Variants in SLC35F3 observed in about 807,000 individuals in gnomAD.
SLC35F3 encodes putative thiamine transporter SLC35F3.
In SLC35F3, 25 loss-of-function variants were observed where a neutral mutation model predicts 49.9. The ratio of observed to expected loss-of-function variants is 0.50; its 90% confidence interval spans 0.37 to 0.70. The LOEUF (loss-of-function observed/expected upper bound fraction) is 0.70. SLC35F3 is among the 30% of genes least tolerant of loss of function. SLC35F3 has a pLI of 0.00. For synonymous variants in SLC35F3, 275 were observed against 265.4 expected (o/e 1.04, Z -0.35); for missense variants, 525 against 639.8 (o/e 0.82, Z 1.94).
At chr1:233,949,600 A>G (rs111802930) in intron 2 of SLC35F3, among the ~76,000 whole-genome samples, 148 of 152,302 alleles carry the variant, frequency 9.7e-4, no homozygotes, top group Non-Finnish European at 1.8e-3. Context: ...CCCCAGGACC[A>G]TGCTGTTTAC....
intron 2 of SLC35F3, among the ~76,000 whole-genome samples, chr1:234,103,282 T>C (rs1238616739): frequency 6.6e-6 from 1 of 152,108 alleles, no homozygotes; most frequent in African/African-American, 2.4e-5. Flanking sequence ...GATGTTGCCT[T>C]GGCAATTTCA....
rs535681901 is a variant in SLC35F3 at position 234,314,288 on chromosome 1, A to G, written c.829-2314A>G. 2.0e-5 allele frequency among the ~76,000 whole-genome samples: 3 copies of G among 152,246 alleles called. No individual in the cohort carries two copies. The East Asian group carries it at 5.8e-4, about 29-fold the overall frequency. On this transcript the variant is annotated intron_variant, in intron 4 of 7. Transcript: ENST00000366618. ...ACCCCCTTGTCCCTTCCCCCAGCTTAGCTGCACAGTGCAGCCCAGGCAGAA... is the reference window on the plus strand; with the variant it reads ...ACCCCCTTGTCCCTTCCCCCAGCTTGGCTGCACAGTGCAGCCCAGGCAGAA...
intron 3 of SLC35F3, among the ~76,000 whole-genome samples, chr1:234,238,336 G>A (rs966779668): frequency 1.3e-5 from 2 of 152,156 alleles, no homozygotes; most frequent in African/African-American, 4.8e-5. Context: ...AATGCTCCAA[G>A]TCTAAATGAG....
intron 3 of SLC35F3, among the ~76,000 whole-genome samples, chr1:234,239,401 C>T (rs913115850): frequency 9.2e-5 from 14 of 152,178 alleles, no homozygotes; most frequent in African/African-American, 3.4e-4. Flanking sequence ...TTCTTACTTT[C>T]CATGTGGTTT....
intron 2 of SLC35F3, among the ~76,000 whole-genome samples, chr1:233,931,212 AG>A (rs1351998936): frequency 2.0e-5 from 3 of 152,220 alleles, no homozygotes; most frequent in Admixed American, 2.0e-4. Context: ...AATACCATTC[AG>A]GACATAGGCA....
At chr1:234,268,458 A>AGAGAGGGAGAGG (rs543420425) in intron 3 of SLC35F3, 1 of 149,908 alleles carries the variant, frequency 6.7e-6, no homozygotes, top group Admixed American at 6.6e-5. Context: ...GAGACCGTGG[A>AGAGAGGGAGAGG]GAGAGGGAGA....
chr1:234,113,442 C>G (rs1291988046), intron 2 of SLC35F3, among the ~76,000 whole-genome samples: 3 of 152,210 alleles, frequency 2.0e-5, no homozygotes, highest in Non-Finnish European at 4.4e-5. Context: ...GAGGAAGAAG[C>G]TGCTAAATGT....
intron 3 of SLC35F3, among the ~76,000 whole-genome samples, chr1:234,307,153 G>A (rs1408899268): frequency 6.6e-6 from 1 of 152,126 alleles, no homozygotes; most frequent in African/African-American, 2.4e-5. Context: ...AAATGTAGCT[G>A]GAATATTGTA....
chr1:234,248,682 G>A (rs1396137923), intron 3 of SLC35F3, among the ~76,000 whole-genome samples: 2 of 152,200 alleles, frequency 1.3e-5, no homozygotes, highest in African/African-American at 4.8e-5. Context: ...TATTCAAAAA[G>A]CACTCAGATT....
At position 234,302,165 on chromosome 1, in the gene SLC35F3, G is replaced by GT. The variant is rs576359478; in HGVS notation, c.609-6934dup. 9.8e-3 allele frequency among the ~76,000 whole-genome samples: 1,472 copies of GT among 149,548 alleles called. 13 individuals carry two copies. The highest frequency in any genetic ancestry group is 0.016 in the East Asian group (81 of 5,128). On this transcript the variant is annotated intron_variant, in intron 3 of 7. Coordinates refer to ENST00000366618, the MANE Select transcript of SLC35F3 (RefSeq NM_173508.4). Reference sequence around the variant, plus strand: ...ACATGTATCCTGGGTTGTTGTTGTTGTTGTTTTTTTTAAGAAGAAATTAAA... The same window carrying GT: ...ACATGTATCCTGGGTTGTTGTTGTTGTTTGTTTTTTTTAAGAAGAAATTAAA...
intron 2 of SLC35F3, among the ~76,000 whole-genome samples, chr1:234,104,989 G>A (rs768586535): frequency 2.6e-5 from 4 of 152,178 alleles, no homozygotes; most frequent in South Asian, 2.1e-4. Flanking sequence ...TTAGCTGGGC[G>A]TGGTGGCGGG....
At chr1:234,208,304 CATGGGAATGA>C (rs1179048763) in intron 2 of SLC35F3, among the ~76,000 whole-genome samples, 1 of 152,214 alleles carries the variant, frequency 6.6e-6, no homozygotes, top group Admixed American at 6.5e-5. Flanking sequence ...CATACCCCTG[CATGGGAATGA>C]ATAGACCAGA....
At chr1:234,003,831 C>T (rs578195889) in intron 2 of SLC35F3, among the ~76,000 whole-genome samples, 3 of 152,184 alleles carry the variant, frequency 2.0e-5, no homozygotes, top group South Asian at 4.1e-4. Flanking sequence ...AAAGGAAAAT[C>T]AGAATGGTCA....
chr1:234,254,663 T>C (rs935417799), intron 3 of SLC35F3, among the ~76,000 whole-genome samples: 2 of 152,216 alleles, frequency 1.3e-5, no homozygotes, highest in African/African-American at 4.8e-5. Context: ...AAAGGAATTA[T>C]TTTGGAAGAT....
Position 234,323,135 on chromosome 1 carries a change from C to T in SLC35F3, c.1365C>T (p.Leu455=), listed in dbSNP as rs757383029. The part of the protein sequence containing the change: ...EEWDVWLIKL[L]TRLKVRKKEE... ...GGGATGTCTGGTTGATCAAGCTGCT[C>T]ACCCGACTCAAAGTGAGGAAGAAGG... is the stretch of plus-strand genomic sequence containing the variant. The change falls in exon 8 of 8, where the codon CTC becomes CTT. Residue 455 remains leucine, a synonymous_variant. Transcript: ENST00000366618. This position sits in a 1 kb window ranked among gnomAD's most constrained non-coding sequence, Gnocchi z 4.5. 39 of 1,614,026 alleles carry T rather than the reference C, an allele frequency of 2.4e-5. 1 individual carries two copies. In the East Asian group the frequency reaches 6.0e-4, roughly 25 times the overall value.
intron 3 of SLC35F3, among the ~76,000 whole-genome samples, chr1:234,234,431 T>C (rs1214334005): frequency 6.6e-6 from 1 of 152,192 alleles, no homozygotes; most frequent in Non-Finnish European, 1.5e-5. Context: ...TGCAACGCCC[T>C]GTGAGGCTCC....
chr1:234,094,808 A>G (rs1665094225), intron 2 of SLC35F3, among the ~76,000 whole-genome samples: 1 of 152,204 alleles, frequency 6.6e-6, no homozygotes, highest in Non-Finnish European at 1.5e-5. Context: ...GGGGGCAGAG[A>G]TGGCAGGTGA....
At chr1:233,913,628 C>T (rs1393962688) in intron 2 of SLC35F3, among the ~76,000 whole-genome samples, 1 of 152,154 alleles carries the variant, frequency 6.6e-6, no homozygotes, top group African/African-American at 2.4e-5. Flanking sequence ...TTATTAAAGG[C>T]CTAAGTGGCC....
chr1:234,128,876 G>T (rs1665689223), intron 2 of SLC35F3, among the ~76,000 whole-genome samples: 1 of 152,134 alleles, frequency 6.6e-6, no homozygotes, highest in Admixed American at 6.6e-5. Context: ...CGTAACTTGG[G>T]GGCCAGGTTC....
Sources: gnomAD v4.1 joint callset for allele counts (sites outside exome capture counted in the v4.1 genomes callset) on GRCh38, gnomAD v4.1.1 for gene constraint, Gnocchi (gnomAD v3.1) non-coding constraint, MANE v1.5 for transcripts, NCBI Gene and HGNC (gene_info 2026-07-23, HGNC 2026-07-21) for gene names.